ARV1: variants seen among roughly 807,000 people sequenced by gnomAD.
The protein encoded by ARV1 is ARV1 fatty acid homeostasis modulator.
A neutral mutation model predicts 31.1 loss-of-function variants in ARV1; 26 were observed. The observed-to-expected ratio is 0.84, with a 90% CI of 0.61 to 1.16. ARV1 has a LOEUF of 1.16. Ranked by LOEUF, ARV1 falls within the 50% of genes most tolerant of loss-of-function variation. ARV1 has a pLI of 0.00. For synonymous variants in ARV1, 117 were observed against 123.2 expected (o/e 0.95, Z 0.34); for missense variants, 281 against 324.9 (o/e 0.86, Z 1.04).
chr1:230,996,988 C>A, intron 4 of ARV1, 133 bp from the exon 5 acceptor site: 1 of 1,080,850 alleles, frequency 9.3e-7, no homozygotes, highest in Non-Finnish European at 1.3e-6. Context: ...GAGAAGGTAA[C>A]AGCATAGATT....
At chr1:230,979,871 A>G (rs752154116) in intron 1 of ARV1, among the ~76,000 whole-genome samples, 2 of 152,108 alleles carry the variant, frequency 1.3e-5, no homozygotes, top group Non-Finnish European at 2.9e-5. Context: ...ATAAGGCCCT[A>G]TGGAGTCTCC....
At chr1:230,983,412 C>CTAAA (rs1678967493) in intron 1 of ARV1, among the ~76,000 whole-genome samples, 1 of 106,422 alleles carries the variant, frequency 9.4e-6, no homozygotes. Context: ...GACTCCGTCT[C>CTAAA]AAAAAAAAAA....
chr1:230,992,994 A>C (rs1165249842), intron 3 of ARV1, among the ~76,000 whole-genome samples: 1 of 152,270 alleles, frequency 6.6e-6, no homozygotes, highest in Non-Finnish European at 1.5e-5. Flanking sequence ...ATGAAACATA[A>C]TACTACTGAA....
chr1:230,985,514 A>C (rs1018768832), intron 1 of ARV1, among the ~76,000 whole-genome samples: 1 of 152,214 alleles, frequency 6.6e-6, no homozygotes. Flanking sequence ...AGCCACTCCA[A>C]AGACATTTGT....
chr1:230,980,047 A>T (rs1343469381), intron 1 of ARV1, among the ~76,000 whole-genome samples: 2 of 152,238 alleles, frequency 1.3e-5, no homozygotes, highest in African/African-American at 4.8e-5. Flanking sequence ...TAATCTCTTT[A>T]GTAAATTATG....
chr1:230,997,304 G>A, intron 5 of ARV1, 37 bp downstream of exon 5: 1 of 1,600,370 alleles, frequency 6.2e-7, no homozygotes, highest in East Asian at 2.2e-5. Flanking sequence ...ATTCAGACAT[G>A]TAGCCTTCTC....
At chr1:230,994,368 TTCAC>T (rs1299573682) in intron 3 of ARV1, among the ~76,000 whole-genome samples, 2 of 152,204 alleles carry the variant, frequency 1.3e-5, no homozygotes, top group Non-Finnish European at 2.9e-5. Context: ...TCGCTATTCT[TTCAC>T]TATTTATTCA....
At chr1:230,979,331 T>C (rs746099666) in intron 1 of ARV1, 52 bp downstream of exon 1, 6 of 1,601,918 alleles carry the variant, frequency 3.7e-6, no homozygotes, top group Non-Finnish European at 5.1e-6. Context: ...GCGGCGGGAT[T>C]TGGGGACCGC....
intron 1 of ARV1, among the ~76,000 whole-genome samples, chr1:230,979,861 A>G (rs1678799013): frequency 6.6e-6 from 1 of 152,146 alleles, no homozygotes; most frequent in Non-Finnish European, 1.5e-5. Context: ...GAACTGGCTT[A>G]TAAGGCCCTA....
At chr1:230,998,073 CCTT>C (rs1450108498) in intron 5 of ARV1, among the ~76,000 whole-genome samples, 2 of 152,226 alleles carry the variant, frequency 1.3e-5, no homozygotes, top group East Asian at 1.9e-4. Context: ...ATTCTTTCCT[CCTT>C]CTCTCCTTCC....
rs1678997025 is a variant in ARV1 at position 230,984,363 on chromosome 1, C to CGTGCGT, written c.175-3954_175-3953insCGTGTG. Reference sequence around the variant, plus strand: ...TGTTTCGTGTGTGTGTGTGTGTGTGCGTGTGTGTGTGTGTGTGTGTGTGTG... The same window carrying CGTGCGT: ...TGTTTCGTGTGTGTGTGTGTGTGTGCGTGCGTGTGTGTGTGTGTGTGTGTGTGTGTG... On this transcript the variant is annotated intron_variant, in intron 1 of 5. Transcript: ENST00000310256. 1.5e-3 allele frequency among the ~76,000 whole-genome samples: 196 copies of CGTGCGT among 129,838 alleles called. 1 individual carries two copies. The highest frequency in any genetic ancestry group is 2.4e-3 in the Admixed American group (30 of 12,676). 85.2% of individuals were successfully genotyped at this position (129,838 alleles called of 152,430 possible).
chr1:230,988,565 G>A, intron 2 of ARV1, 126 bp downstream of exon 2: 3 of 775,772 alleles, frequency 3.9e-6, no homozygotes, highest in South Asian at 2.5e-5. Flanking sequence ...TGTGAGAGTG[G>A]GTCTTTTATT....
chr1:230,986,666 C>CTTTTTTTTTTTTTTT (rs1558242688), intron 1 of ARV1, among the ~76,000 whole-genome samples: 3 of 79,690 alleles, frequency 3.8e-5, no homozygotes, highest in African/African-American at 8.7e-5. Flanking sequence ...AATACTTTTC[C>CTTTTTTTTTTTTTTT]TATTTTTTTT....
rs1268206834 is a variant in ARV1, at chr1:230,996,996, A to G, written c.674-125A>G. On this transcript the variant is annotated intron_variant, in intron 4 of 5. Coordinates refer to ENST00000310256, the MANE Select transcript of ARV1 (RefSeq NM_022786.3). ...AAAGTGGGAGAAGGTAACAGCATAG[A>G]TTAATAAGAACAAACATTGATTTTT... 4 of 1,193,070 alleles carry G rather than the reference A, an allele frequency of 3.4e-6. No homozygotes were observed. The Admixed American group carries it at 9.0e-5, about 27-fold the overall frequency. 73.9% of individuals were successfully genotyped at this position (1,193,070 alleles called of 1,614,324 possible). A position where few individuals can be genotyped will look rare whatever the true frequency, so the allele number is the denominator to read the frequency against.
At chr1:230,992,937 T>G (rs1233632501) in intron 3 of ARV1, among the ~76,000 whole-genome samples, 1 of 152,182 alleles carries the variant, frequency 6.6e-6, no homozygotes, top group Non-Finnish European at 1.5e-5. Context: ...TTGCAACAAT[T>G]TAAAATATTT....
At position 230,997,136 on chromosome 1, in the gene ARV1, A is replaced by C. The variant is rs765924683; in HGVS notation, c.689A>C (p.Asn230Thr). 1 of 1,614,126 alleles carries C rather than the reference A, an allele frequency of 6.2e-7. No homozygotes were observed. ...FQAIRVTLNI[N>T]RKLSFLAVLS... ...TCCTTTCCAGTGACCCTAAACATCAACCGTAAGCTCTCCTTCTTGGCCGTG... is the reference window on the plus strand; with the variant it reads ...TCCTTTCCAGTGACCCTAAACATCACCCGTAAGCTCTCCTTCTTGGCCGTG... Residue 230 changes from asparagine (N) to threonine (T), a missense_variant, in exon 5 of 6, where the codon AAC becomes ACC. By Grantham distance (65) the Asn-to-Thr change is moderately conservative. Transcript: ENST00000310256.
chr1:230,985,421 G>C (rs1290780881), intron 1 of ARV1, among the ~76,000 whole-genome samples: 1 of 152,158 alleles, frequency 6.6e-6, no homozygotes, highest in Non-Finnish European at 1.5e-5. Context: ...TAGAAACTGT[G>C]GCTGAAGGTG....
At chr1:230,988,984 T>C (rs942925912) in intron 2 of ARV1, among the ~76,000 whole-genome samples, 2 of 152,152 alleles carry the variant, frequency 1.3e-5, no homozygotes, top group African/African-American at 4.8e-5. Context: ...ACAGATAACA[T>C]ACAGGACAGT....
rs1240281329 is a variant in ARV1 at position 230,996,050 on chromosome 1, TGG to T, written c.673+69_673+70del. 12 of 1,371,940 alleles carry T rather than the reference TGG, an allele frequency of 8.7e-6. No individual in the cohort carries two copies. The East Asian group carries it at 2.8e-4, about 32-fold the overall frequency. 85.0% of individuals were successfully genotyped at this position (1,371,940 alleles called of 1,614,324 possible). A position where few individuals can be genotyped will look rare whatever the true frequency, so the allele number is the denominator to read the frequency against. On this transcript the variant is annotated intron_variant, in intron 4 of 5. Coordinates refer to ENST00000310256, the MANE Select transcript of ARV1 (RefSeq NM_022786.3). ...CATAAAAAGCTTAAAGCCTTGTTTC[TGG>T]GGTGCAGTTTTTATATAACCTGTTG... is the stretch of plus-strand genomic sequence containing the variant.
Sources: allele counts gnomAD v4.1 joint callset (sites outside exome capture counted in the v4.1 genomes callset), GRCh38; gene constraint gnomAD v4.1.1; transcripts MANE v1.5; gene names NCBI Gene and HGNC (gene_info 2026-07-23, HGNC 2026-07-21).